MAPKAP1: variants seen among roughly 807,000 people sequenced by gnomAD.
MAPKAP1 encodes the protein MAPK associated protein 1.
A neutral mutation model predicts 65.7 loss-of-function variants in MAPKAP1; 20 were observed. The ratio of observed to expected loss-of-function variants is 0.30; its 90% CI spans 0.21 to 0.44. The LOEUF is 0.44. Among genes scored for constraint, MAPKAP1 ranks in the 20% least tolerant of loss-of-function variants. MAPKAP1 has a pLI of 1.00. For synonymous variants in MAPKAP1, 222 were observed against 244.3 expected, an observed-to-expected ratio of 0.91 and a Z score of 0.85; for missense variants, 423 against 648.0, an observed-to-expected ratio of 0.65 and a Z score of 3.77.
chr9:125,467,836 G>T lies in MAPKAP1; in HGVS notation c.1345+136C>A, dbSNP rs114027731. 1,447 of 970,896 alleles carry T rather than the reference G, an allele frequency of 1.5e-3. 12 individuals are homozygous for T. In the African/African-American group the frequency reaches 0.02, roughly 13 times the overall value. 60.1% of individuals were successfully genotyped at this position (970,896 alleles called of 1,614,324 possible). ...ATAATACAATCCCGTTTGATTAAAAGAAATTTCTGGTAATGAATTAAAACA... is the reference window on the plus strand; with the variant it reads ...ATAATACAATCCCGTTTGATTAAAATAAATTTCTGGTAATGAATTAAAACA... On this transcript the variant is annotated intron_variant, in intron 10 of 11. Coordinates refer to ENST00000265960, the MANE Select transcript of MAPKAP1 (RefSeq NM_001006617.3).
At chr9:125,614,050 G>A (rs555738494) in intron 4 of MAPKAP1, among the ~76,000 whole-genome samples, 12 of 152,016 alleles carry the variant, frequency 7.9e-5, no homozygotes, top group East Asian at 5.8e-4. Context: ...CACCCGCCTC[G>A]GCCTCCCAAA....
intron 4 of MAPKAP1, among the ~76,000 whole-genome samples, chr9:125,654,978 T>A (rs544065196): frequency 6.6e-6 from 1 of 152,300 alleles, no homozygotes; most frequent in South Asian, 2.1e-4. Context: ...TATGTACTAT[T>A]TGCCCAAGAG....
chr9:125,652,342 T>C (rs1026153134), intron 4 of MAPKAP1: 4 of 880,968 alleles, frequency 4.5e-6, no homozygotes, highest in African/African-American at 3.6e-5. Context: ...TATGTGTTAA[T>C]TGCCACAGCA....
At chr9:125,616,323 C>T (rs1472509365) in intron 4 of MAPKAP1, among the ~76,000 whole-genome samples, 1 of 152,022 alleles carries the variant, frequency 6.6e-6, no homozygotes, top group Non-Finnish European at 1.5e-5. Context: ...TCTTAGAACA[C>T]AAAAAGCAAT....
At chr9:125,546,511 C>T (rs1377330494) in intron 6 of MAPKAP1, among the ~76,000 whole-genome samples, 2 of 152,190 alleles carry the variant, frequency 1.3e-5, no homozygotes, top group African/African-American at 4.8e-5. Context: ...GTTATGCTCC[C>T]ATTTAACAAG....
intron 4 of MAPKAP1, chr9:125,596,392 G>A (rs1832126706): frequency 1.2e-6 from 1 of 818,684 alleles, no homozygotes; most frequent in Non-Finnish European, 2.1e-6. Flanking sequence ...AGTAGGGATG[G>A]CTATAATGGA....
intron 8 of MAPKAP1, among the ~76,000 whole-genome samples, chr9:125,491,071 G>A (rs1036682950): frequency 1.3e-5 from 2 of 151,066 alleles, no homozygotes; most frequent in Non-Finnish European, 2.9e-5. Context: ...CCAGTAGGCG[G>A]AGGCTGAAGT....
intron 9 of MAPKAP1, among the ~76,000 whole-genome samples, chr9:125,479,116 C>T (rs1203341358): frequency 6.6e-6 from 1 of 152,174 alleles, no homozygotes. Context: ...AATAAGAGTG[C>T]TTCGATTTCA....
At chr9:125,596,228 T>C (rs1333900619) in intron 4 of MAPKAP1, 2 of 765,544 alleles carry the variant, frequency 2.6e-6, no homozygotes, top group East Asian at 2.4e-5. Context: ...AGATGGCTAA[T>C]ACTTCATCCA....
intron 1 of MAPKAP1, among the ~76,000 whole-genome samples, chr9:125,687,755 G>T (rs1365804055): frequency 6.6e-6 from 1 of 152,180 alleles, no homozygotes; most frequent in African/African-American, 2.4e-5. Context: ...CTGTACTTCA[G>T]CCTGGGCAAC....
intron 6 of MAPKAP1, chr9:125,559,404 A>G (rs1197126332): frequency 2.6e-6 from 1 of 383,412 alleles, no homozygotes; most frequent in Non-Finnish European, 4.7e-6. Context: ...CCGTTCAGAG[A>G]TCTGCTTCAC....
chr9:125,487,156 C>A (rs1854522475), intron 8 of MAPKAP1, among the ~76,000 whole-genome samples: 1 of 152,142 alleles, frequency 6.6e-6, no homozygotes, highest in African/African-American at 2.4e-5. Flanking sequence ...ACCAACATTG[C>A]ACCTCCAGGA....
intron 8 of MAPKAP1, among the ~76,000 whole-genome samples, chr9:125,495,988 T>C (rs1225922446): frequency 1.3e-5 from 2 of 152,256 alleles, no homozygotes; most frequent in Non-Finnish European, 2.9e-5. Flanking sequence ...AACGCTTGTA[T>C]AGTGCACTGC....
intron 10 of MAPKAP1, among the ~76,000 whole-genome samples, chr9:125,464,931 A>G (rs963007515): frequency 6.6e-6 from 1 of 152,234 alleles, no homozygotes; most frequent in Non-Finnish European, 1.5e-5. Context: ...GCCACAGTCG[A>G]AGGTTTAAAA....
At chr9:125,451,429 C>T (rs1852944648) in intron 10 of MAPKAP1, among the ~76,000 whole-genome samples, 1 of 152,202 alleles carries the variant, frequency 6.6e-6, no homozygotes, top group Admixed American at 6.5e-5. Flanking sequence ...CTACGTTTTT[C>T]CTGTGTCGGG....
intron 6 of MAPKAP1, among the ~76,000 whole-genome samples, chr9:125,553,434 C>G (rs763343987): frequency 6.6e-6 from 1 of 151,742 alleles, no homozygotes; most frequent in Non-Finnish European, 1.5e-5. Context: ...CACAGCTACT[C>G]GGGAGGCTGA....
intron 5 of MAPKAP1, chr9:125,565,448 G>GTT (rs1016829073): frequency 4.2e-4 from 72 of 169,630 alleles, no homozygotes; most frequent in Middle Eastern, 2.6e-3. Flanking sequence ...AATGCTTATT[G>GTT]TTTTTTTTTT....
intron 6 of MAPKAP1, among the ~76,000 whole-genome samples, chr9:125,547,386 G>A (rs1830458213): frequency 1.3e-5 from 2 of 152,152 alleles, no homozygotes; most frequent in African/African-American, 4.8e-5. Context: ...CCCTTTGACC[G>A]AAATCTTGGT....
intron 3 of MAPKAP1, among the ~76,000 whole-genome samples, chr9:125,662,576 G>A (rs1023764446): frequency 5.3e-5 from 8 of 152,102 alleles, no homozygotes; most frequent in South Asian, 2.1e-4. Flanking sequence ...CCAGCTACTC[G>A]GGAGGCTGAG....
Sources: allele counts gnomAD v4.1 joint callset (sites outside exome capture counted in the v4.1 genomes callset), GRCh38; gene constraint gnomAD v4.1.1; transcripts MANE v1.5; gene names NCBI Gene and HGNC (gene_info 2026-07-23, HGNC 2026-07-21).